The following CRIM1 variants were observed in gnomAD, a reference collection of about 807,000 sequenced individuals.
The protein encoded by CRIM1 is cysteine rich transmembrane BMP regulator 1.
In CRIM1, 32 loss-of-function variants were observed where a neutral mutation model predicts 116.4. The ratio of observed to expected loss-of-function variants is 0.27; its 90% CI spans 0.21 to 0.37. The LOEUF is 0.37. Ranked by LOEUF, CRIM1 falls within the 10% of genes least tolerant of loss-of-function variation. CRIM1 has a pLI of 1.00. For missense variants in CRIM1, 1,331 were observed against 1,354.8 expected (o/e 0.98, Z 0.28); for synonymous variants, 590 against 509.2 (o/e 1.16, Z -2.13).
intron 1 of CRIM1, among the ~76,000 whole-genome samples, chr2:36,376,396 T>G (rs1670322865): frequency 6.6e-6 from 1 of 152,246 alleles, no homozygotes; most frequent in African/African-American, 2.4e-5. Flanking sequence ...GTTTAAACAG[T>G]AGGCGAGCGT....
rs1279930358 is a variant in CRIM1, at chr2:36,522,278, T to C, written c.2393T>C (p.Val798Ala). The change falls in exon 13 of 17, where the codon GTC becomes GCC. Residue 798 changes from valine (V) to alanine (A), a missense_variant. Physicochemically the swap from Val to Ala is moderately conservative, Grantham distance 64 (BLOSUM62 0). This residue lies in a region of CRIM1 where 358 missense variants were observed against 436.1 expected (regional missense o/e 0.82). Coordinates refer to ENST00000280527, the MANE Select transcript of CRIM1 (RefSeq NM_016441.3). The stretch of plus-strand genomic sequence containing the variant: ...CCTTCTGTATCCTGTGAAAGACCTG[T>C]CTTGAGAAAAGGCCAGTGTTGTCCC... ...SCPSVSCERP[V>A]LRKGQCCPYC... The C allele has an allele frequency of 1.9e-6, 3 of 1,614,140 alleles. No individual in the cohort carries two copies. Among genetic ancestry groups the C allele is most frequent in the East Asian group, 4.5e-5 (2 of 44,872 alleles).
chr2:36,417,445 T>G (rs1673704641), intron 2 of CRIM1, among the ~76,000 whole-genome samples: 2 of 152,202 alleles, frequency 1.3e-5, no homozygotes, highest in Non-Finnish European at 2.9e-5. Flanking sequence ...GCCTGAAATA[T>G]GAAATACTGT....
chr2:36,416,453 G>T (rs1167968588), intron 2 of CRIM1, among the ~76,000 whole-genome samples: 1 of 152,090 alleles, frequency 6.6e-6, no homozygotes, highest in Non-Finnish European at 1.5e-5. Context: ...ATCAATAAAG[G>T]TGCTGTGAAC....
chr2:36,548,147 A>T (rs1473010998), intron 16 of CRIM1, among the ~76,000 whole-genome samples: 1 of 152,212 alleles, frequency 6.6e-6, no homozygotes, highest in Non-Finnish European at 1.5e-5. Flanking sequence ...ATAGTGTTGT[A>T]CAGTCTGAGT....
chr2:36,461,053 A>G (rs1360562397), intron 4 of CRIM1, among the ~76,000 whole-genome samples: 2 of 152,204 alleles, frequency 1.3e-5, no homozygotes, highest in East Asian at 1.9e-4. Flanking sequence ...AAAGGGTTAT[A>G]TGGACTTCAG....
At chr2:36,416,898 G>A (rs1169518255) in intron 2 of CRIM1, among the ~76,000 whole-genome samples, 4 of 152,346 alleles carry the variant, frequency 2.6e-5, no homozygotes, top group African/African-American at 9.6e-5. Flanking sequence ...TGGCTTCAGA[G>A]CATGACCAGC....
At chr2:36,397,607 T>C (rs1248714454) in intron 2 of CRIM1, among the ~76,000 whole-genome samples, 2 of 152,116 alleles carry the variant, frequency 1.3e-5, no homozygotes, top group Non-Finnish European at 1.5e-5. Flanking sequence ...ATGATGTCGT[T>C]GTAAGATGGA....
intron 2 of CRIM1, among the ~76,000 whole-genome samples, chr2:36,426,684 A>C (rs1393569859): frequency 1.3e-5 from 2 of 152,198 alleles, no homozygotes; most frequent in South Asian, 2.1e-4. Flanking sequence ...GAGCCAGTCC[A>C]TCAAGCTCCC....
At position 36,548,712 on chromosome 2, in the gene CRIM1, C is replaced by T; in HGVS notation, c.*11C>T. 6.4e-7 allele frequency: 1 copy of T among 1,567,762 alleles called. No individual in the cohort carries two copies. Among genetic ancestry groups the T allele is most frequent in the South Asian group, 1.2e-5 (1 of 83,006 alleles). On this transcript the variant is annotated 3_prime_UTR_variant, in exon 17 of 17. Transcript: ENST00000280527. ...TACCAAACAGTGTGAAGAAAGGCAA[C>T]TAGGATGAGGTTTCAAAAGACGGAA...
intron 2 of CRIM1, among the ~76,000 whole-genome samples, chr2:36,409,518 T>A (rs1418186263): frequency 6.6e-6 from 1 of 152,204 alleles, no homozygotes; most frequent in Non-Finnish European, 1.5e-5. Flanking sequence ...GCCCATTGCA[T>A]AGGGGCATTT....
chr2:36,519,965 A>C (rs1473518041), intron 12 of CRIM1, among the ~76,000 whole-genome samples: 1 of 152,224 alleles, frequency 6.6e-6, no homozygotes, highest in Non-Finnish European at 1.5e-5. Context: ...AAACACTGGT[A>C]AAGATCAAAT....
rs191184362 is a variant in CRIM1 at position 36,483,373 on chromosome 2, A to T, written c.1372+3679A>T. ...CCACTGTTATTTGTAACCCTTAATG[A>T]CAGTGGCTAACATTTCATACAATTG... On this transcript the variant is annotated intron_variant, in intron 7 of 16. Coordinates refer to ENST00000280527, the MANE Select transcript of CRIM1 (RefSeq NM_016441.3). Among the ~76,000 whole-genome samples, 369 of 152,300 alleles carry T rather than the reference A, an allele frequency of 2.4e-3. 2 individuals are homozygous for T. In the Middle Eastern group the frequency reaches 0.031, roughly 13 times the overall value.
intron 2 of CRIM1, among the ~76,000 whole-genome samples, chr2:36,439,710 A>T (rs1486031644): frequency 6.6e-6 from 1 of 152,046 alleles, no homozygotes; most frequent in Non-Finnish European, 1.5e-5. Context: ...ATGCCCATCC[A>T]TTCTCACCAC....
At chr2:36,541,188 A>G (rs549113025) in intron 14 of CRIM1, among the ~76,000 whole-genome samples, 2 of 152,150 alleles carry the variant, frequency 1.3e-5, no homozygotes, top group Admixed American at 6.5e-5. Flanking sequence ...TCACGCTTCC[A>G]TTTCTCATCT....
chr2:36,449,672 T>A (rs1168501559), intron 4 of CRIM1, among the ~76,000 whole-genome samples: 1 of 152,128 alleles, frequency 6.6e-6, no homozygotes, highest in East Asian at 1.9e-4. Flanking sequence ...TCTTTGACTT[T>A]CCAAAAGCCT....
chr2:36,419,839 A>T (rs990802269), intron 2 of CRIM1, among the ~76,000 whole-genome samples: 1 of 152,224 alleles, frequency 6.6e-6, no homozygotes, highest in African/African-American at 2.4e-5. Context: ...ATGTGGTTAT[A>T]TACAGTGGTC....
chr2:36,368,055 C>T (rs1046240810), intron 1 of CRIM1, among the ~76,000 whole-genome samples: 9 of 152,250 alleles, frequency 5.9e-5, no homozygotes, highest in African/African-American at 1.9e-4. Context: ...AATTGCTCTT[C>T]TTCCTAATAC....
chr2:36,418,973 C>T (rs936014846), intron 2 of CRIM1, among the ~76,000 whole-genome samples: 2 of 151,410 alleles, frequency 1.3e-5, no homozygotes, highest in African/African-American at 2.4e-5. Context: ...GTCTCCTCTT[C>T]TCCTCCCACT....
intron 1 of CRIM1, among the ~76,000 whole-genome samples, chr2:36,384,716 C>T (rs960260583): frequency 4.6e-5 from 7 of 152,104 alleles, no homozygotes; most frequent in Non-Finnish European, 1.0e-4. Context: ...ATATTTGCTT[C>T]TTTCTGGAGA....
Sources: allele counts gnomAD v4.1 joint callset (sites outside exome capture counted in the v4.1 genomes callset), GRCh38; gene constraint gnomAD v4.1.1; regional missense constraint gnomAD v4.1.1; transcripts MANE v1.5; gene names NCBI Gene and HGNC (gene_info 2026-07-23, HGNC 2026-07-21).